The following CNTN5 variants were observed in gnomAD, a reference collection of about 807,000 sequenced individuals.
CNTN5 encodes the protein contactin-5.
In CNTN5, 77 loss-of-function variants were observed where a neutral mutation model predicts 129.1. The observed-to-expected ratio is 0.60, with a 90% CI of 0.50 to 0.72. The LOEUF is 0.72. Ranked by LOEUF, CNTN5 falls within the 30% of genes least tolerant of loss-of-function variation. CNTN5 has a pLI of 0.00. For synonymous variants in CNTN5, 509 were observed against 465.6 expected (o/e 1.09, Z -1.20); for missense variants, 1,478 against 1,328.8 (o/e 1.11, Z -1.75).
At chr11:99,691,426 C>T (rs1448347345) in intron 3 of CNTN5, among the ~76,000 whole-genome samples, 1 of 151,866 alleles carries the variant, frequency 6.6e-6, no homozygotes, top group Non-Finnish European at 1.5e-5. Flanking sequence ...TAGCTGTGTC[C>T]CAGAGTTTCT....
At chr11:99,791,363 G>T (rs1375157749) in intron 3 of CNTN5, among the ~76,000 whole-genome samples, 4 of 152,050 alleles carry the variant, frequency 2.6e-5, no homozygotes, top group African/African-American at 9.7e-5. Context: ...TCTGCATATG[G>T]CTAGCAGGTT....
At chr11:100,027,625 A>C (rs1326243529) in intron 9 of CNTN5, among the ~76,000 whole-genome samples, 1 of 152,086 alleles carries the variant, frequency 6.6e-6, no homozygotes, top group East Asian at 1.9e-4. Context: ...TGTCCTGTAG[A>C]TCTCTAACAC....
At chr11:99,501,288 T>A (rs1946418933) in intron 2 of CNTN5, among the ~76,000 whole-genome samples, 1 of 152,184 alleles carries the variant, frequency 6.6e-6, no homozygotes, top group African/African-American at 2.4e-5. Flanking sequence ...ATAGTAATGG[T>A]TGTTCTGCTC....
intron 13 of CNTN5, among the ~76,000 whole-genome samples, chr11:100,090,337 G>T (rs1234718820): frequency 3.9e-5 from 6 of 151,904 alleles, no homozygotes; most frequent in Admixed American, 6.6e-5. Context: ...CAGTTAGAAT[G>T]GTTATCTTTA....
chr11:99,712,816 C>G lies in CNTN5; in HGVS notation c.56-106728C>G, dbSNP rs569424624. Among the ~76,000 whole-genome samples, 5 of 151,834 alleles carry G rather than the reference C, an allele frequency of 3.3e-5. No homozygotes were observed. The South Asian group carries it at 1.0e-3, about 31-fold the overall frequency. On this transcript the variant is annotated intron_variant, in intron 3 of 24. Transcript: ENST00000524871. Reference sequence around the variant, plus strand: ...ATGTGTGGTATTATTTCTGAGGTCTCTGTTCTGCTCCATCGGTCTATATAT... The same window carrying G: ...ATGTGTGGTATTATTTCTGAGGTCTGTGTTCTGCTCCATCGGTCTATATAT...
intron 16 of CNTN5, among the ~76,000 whole-genome samples, chr11:100,251,399 C>A (rs922825674): frequency 1.3e-5 from 2 of 152,070 alleles, no homozygotes; most frequent in Admixed American, 1.3e-4. Flanking sequence ...TATTCATCAT[C>A]TTAAACATTT....
chr11:99,574,342 A>G (rs1210209046), intron 3 of CNTN5, among the ~76,000 whole-genome samples: 1 of 152,110 alleles, frequency 6.6e-6, no homozygotes, highest in Non-Finnish European at 1.5e-5. Context: ...TTTCCTTGCT[A>G]TTGTGAATAG....
At chr11:100,017,763 A>G (rs1319648530) in intron 9 of CNTN5, among the ~76,000 whole-genome samples, 1 of 152,042 alleles carries the variant, frequency 6.6e-6, no homozygotes, top group African/African-American at 2.4e-5. Context: ...TACTCCAACC[A>G]TGCCATCTAT....
intron 13 of CNTN5, among the ~76,000 whole-genome samples, chr11:100,083,945 C>G (rs1167435929): frequency 1.3e-5 from 2 of 151,974 alleles, no homozygotes; most frequent in Non-Finnish European, 2.9e-5. Context: ...AAATAAGTCT[C>G]AACTCCCAAC....
intron 20 of CNTN5, 147 bp downstream of exon 20, chr11:100,299,543 C>T (rs1951173891): frequency 3.8e-6 from 2 of 531,518 alleles, no homozygotes; most frequent in South Asian, 3.8e-5. Context: ...TATATATTTC[C>T]CAAACTTTTT....
intron 1 of CNTN5, among the ~76,000 whole-genome samples, chr11:99,271,637 C>G (rs536217924): frequency 9.2e-5 from 14 of 151,824 alleles, no homozygotes; most frequent in African/African-American, 3.4e-4. Flanking sequence ...GGATGTGATC[C>G]AGGTGTTGGC....
chr11:99,338,021 A>G (rs1183295598), intron 2 of CNTN5, among the ~76,000 whole-genome samples: 2 of 152,162 alleles, frequency 1.3e-5, no homozygotes, highest in East Asian at 3.9e-4. Context: ...AAATTCATAA[A>G]CTTATTTGTA....
chr11:99,516,583 A>G (rs966911627), intron 2 of CNTN5, among the ~76,000 whole-genome samples: 6 of 152,118 alleles, frequency 3.9e-5, no homozygotes, highest in African/African-American at 7.2e-5. Flanking sequence ...AACTGAGAGC[A>G]TCGAGTGAGG....
At chr11:100,228,112 CAGA>C (rs1259869478) in intron 16 of CNTN5, among the ~76,000 whole-genome samples, 2 of 152,138 alleles carry the variant, frequency 1.3e-5, no homozygotes, top group African/African-American at 4.8e-5. Context: ...TCTTTCTATT[CAGA>C]AGAAGTGATA....
intron 2 of CNTN5, among the ~76,000 whole-genome samples, chr11:99,476,429 C>T (rs1350397953): frequency 2.0e-5 from 3 of 152,000 alleles, no homozygotes; most frequent in African/African-American, 4.8e-5. Context: ...ATATAATTCA[C>T]CATATGGAAT....
chr11:100,333,408 GAAAAAAAAA>G (rs547220238), intron 21 of CNTN5, among the ~76,000 whole-genome samples: 6 of 74,286 alleles, frequency 8.1e-5, no homozygotes, highest in African/African-American at 3.2e-4. Flanking sequence ...CACTGAATTA[GAAAAAAAAA>G]AAAAAAAAAA....
At chr11:99,575,932 T>C (rs573748772) in intron 3 of CNTN5, among the ~76,000 whole-genome samples, 12 of 152,146 alleles carry the variant, frequency 7.9e-5, no homozygotes, top group African/African-American at 2.2e-4. Context: ...AAAGAACCAA[T>C]AGGGGCAACC....
intron 3 of CNTN5, among the ~76,000 whole-genome samples, chr11:99,588,613 G>A (rs1949882981): frequency 6.6e-6 from 1 of 152,098 alleles, no homozygotes; most frequent in African/African-American, 2.4e-5. Context: ...CCCTCTGTGG[G>A]GTGAGTCTTC....
intron 3 of CNTN5, among the ~76,000 whole-genome samples, chr11:99,798,147 T>C (rs922402440): frequency 6.6e-6 from 1 of 151,972 alleles, no homozygotes; most frequent in African/African-American, 2.4e-5. Flanking sequence ...TATATGTTTT[T>C]CCCTCAATGT....
Sources: allele counts gnomAD v4.1 joint callset (sites outside exome capture counted in the v4.1 genomes callset), GRCh38; gene constraint gnomAD v4.1.1; transcripts MANE v1.5; gene names NCBI Gene and HGNC (gene_info 2026-07-23, HGNC 2026-07-21).